The following TAF1A variants were observed in gnomAD, a reference collection of about 807,000 sequenced individuals.
TAF1A encodes the protein TATA box-binding protein-associated factor RNA polymerase I subunit A.
In TAF1A, 42 loss-of-function variants were observed where a neutral mutation model predicts 61.6. The ratio of observed to expected loss-of-function variants is 0.68; its 90% CI spans 0.53 to 0.88. TAF1A has a LOEUF of 0.88. TAF1A is among the 40% of genes least tolerant of loss of function. The pLI, the probability that TAF1A is intolerant of heterozygous loss-of-function variation, is 0.00. For synonymous variants in TAF1A, 179 were observed against 177.7 expected (o/e 1.01, Z -0.06); for missense variants, 424 against 518.7 (o/e 0.82, Z 1.77).
chr1:222,569,824 A>C (rs1415510652), intron 6 of TAF1A, among the ~76,000 whole-genome samples, 156 bp from the exon 7 acceptor site: 4 of 152,194 alleles, frequency 2.6e-5, no homozygotes, highest in African/African-American at 9.6e-5. Flanking sequence ...ACTAATAAAC[A>C]ATGCAGCAAC....
At chr1:222,569,736 G>A (rs1226795667) in intron 6 of TAF1A, 68 bp from the exon 7 acceptor site, 8 of 1,399,452 alleles carry the variant, frequency 5.7e-6, no homozygotes, top group Non-Finnish European at 7.7e-6. Flanking sequence ...ATAATACACA[G>A]CATAAGTTTA....
At chr1:222,574,651 A>G (rs1447112250) in intron 5 of TAF1A, among the ~76,000 whole-genome samples, 2 of 152,240 alleles carry the variant, frequency 1.3e-5, no homozygotes, top group Non-Finnish European at 2.9e-5. Flanking sequence ...ACCATAAAAA[A>G]TGAATAAATT....
intron 5 of TAF1A, among the ~76,000 whole-genome samples, chr1:222,576,172 G>T (rs1382796293): frequency 2.0e-5 from 3 of 152,148 alleles, no homozygotes; most frequent in Non-Finnish European, 4.4e-5. Flanking sequence ...TAAGTTTAAG[G>T]TGTAAGAATG....
chr1:222,588,551 T>G lies in TAF1A; in HGVS notation c.13A>C (p.Ser5Arg). The change falls in exon 2 of 11, where the codon AGT becomes CGT. Residue 5 changes from serine (S) to arginine (R), a missense_variant. Ser to Arg is a moderately radical substitution (Grantham distance 110). Coordinates refer to ENST00000352967, the MANE Select transcript of TAF1A (RefSeq NM_005681.4). Reference sequence around the variant, plus strand: ...GTCACAGGCCCTTTTAATTCTTCACTGAAATCACTCATACCTATTACAAGA... The same window carrying G: ...GTCACAGGCCCTTTTAATTCTTCACGGAAATCACTCATACCTATTACAAGA... MSDFSEELKGPVTDD... is the reference protein window; with the variant it reads MSDFREELKGPVTDD... 6.2e-7 allele frequency: 1 copy of G among 1,614,000 alleles called. No individual in the cohort carries two copies. Among genetic ancestry groups the G allele is most frequent in the Non-Finnish European group, 8.5e-7 (1 of 1,179,944 alleles).
intron 5 of TAF1A, among the ~76,000 whole-genome samples, chr1:222,575,333 C>T (rs1660524461): frequency 6.6e-6 from 1 of 151,978 alleles, no homozygotes; most frequent in Non-Finnish European, 1.5e-5. Flanking sequence ...CCAGCCTAAG[C>T]AACACAGTAA....
At chr1:222,558,831 C>A in intron 10 of TAF1A, 59 bp from the exon 11 acceptor site, 2 of 809,086 alleles carry the variant, frequency 2.5e-6, no homozygotes, top group South Asian at 5.7e-5. Context: ...AAGTATATTT[C>A]TACATTTTAA....
At chr1:222,575,861 G>A (rs1327567510) in intron 5 of TAF1A, among the ~76,000 whole-genome samples, 2 of 152,184 alleles carry the variant, frequency 1.3e-5, no homozygotes, top group African/African-American at 4.8e-5. Context: ...TTACAAATGC[G>A]ATGTTCCAAC....
chr1:222,585,820 T>A (rs934242705), intron 2 of TAF1A, among the ~76,000 whole-genome samples: 3 of 152,090 alleles, frequency 2.0e-5, no homozygotes, highest in African/African-American at 2.4e-5. Flanking sequence ...TAATTTTTTT[T>A]AAAATGAATA....
intron 5 of TAF1A, among the ~76,000 whole-genome samples, chr1:222,571,700 T>C (rs1660358338): frequency 2.0e-5 from 3 of 152,070 alleles, no homozygotes; most frequent in Admixed American, 6.5e-5. Flanking sequence ...TGAAAAGTGA[T>C]ACTGTTGAAA....
In TAF1A at chr1:222,558,504, T is replaced by A; in HGVS notation, c.*156A>T. The A allele has an allele frequency of 6.5e-6, 2 of 307,348 alleles. No homozygotes were observed. The highest frequency in any genetic ancestry group is 1.2e-5 in the Non-Finnish European group (2 of 170,278). 19.0% of individuals were successfully genotyped at this position (307,348 alleles called of 1,614,324 possible). A position where few individuals can be genotyped will look rare whatever the true frequency, so the allele number is the denominator to read the frequency against. ...AAAGAGCAAAGGCAGTAATATTGTT[T>A]CTCTAGCTATAAATAATACAAAAAT... On this transcript the variant is annotated 3_prime_UTR_variant, in exon 11 of 11. Transcript: ENST00000352967.
At chr1:222,585,437 AG>A (rs1354629668) in intron 2 of TAF1A, among the ~76,000 whole-genome samples, 6 of 151,390 alleles carry the variant, frequency 4.0e-5, no homozygotes, top group Admixed American at 2.6e-4. Context: ...ATTGGGGAAA[AG>A]TTTTAGATAA....
rs754640747 is a variant in TAF1A at position 222,579,900 on chromosome 1, T to C, written c.292-28A>G. 4 of 1,583,970 alleles carry C rather than the reference T, an allele frequency of 2.5e-6. No homozygotes were observed. In the Admixed American group the frequency reaches 7.9e-5, roughly 31 times the overall value. On this transcript the variant is annotated intron_variant, in intron 3 of 10. Coordinates refer to ENST00000352967, the MANE Select transcript of TAF1A (RefSeq NM_005681.4). Reference sequence around the variant, plus strand: ...GTCAAAGCAGAAATTACTGCCAAAATGTAAAATTTTTGCCTTAACCAATTT... The same window carrying C: ...GTCAAAGCAGAAATTACTGCCAAAACGTAAAATTTTTGCCTTAACCAATTT...
intron 4 of TAF1A, among the ~76,000 whole-genome samples, chr1:222,579,350 T>G (rs1476717865): frequency 6.6e-6 from 1 of 152,154 alleles, no homozygotes; most frequent in Non-Finnish European, 1.5e-5. Context: ...AACTTGGAGG[T>G]GAAGATTCCA....
intron 5 of TAF1A, among the ~76,000 whole-genome samples, chr1:222,576,221 GA>G (rs558847739): frequency 1.1e-4 from 16 of 152,142 alleles, no homozygotes; most frequent in Non-Finnish European, 2.1e-4. Context: ...TTGAAGAATA[GA>G]GAGCATTCTA....
At chr1:222,587,663 A>C (rs1489697195) in intron 2 of TAF1A, among the ~76,000 whole-genome samples, 1 of 152,200 alleles carries the variant, frequency 6.6e-6, no homozygotes, top group Admixed American at 6.5e-5. Flanking sequence ...CCCATAGAAA[A>C]ACATACTTGC....
At chr1:222,563,913 A>G in intron 8 of TAF1A, 146 bp downstream of exon 8, 1 of 595,004 alleles carries the variant, frequency 1.7e-6, no homozygotes. Context: ...AAGCAGCCGC[A>G]GACAATACAG....
At chr1:222,578,573 C>G (rs1040938318) in intron 4 of TAF1A, among the ~76,000 whole-genome samples, 17 of 152,214 alleles carry the variant, frequency 1.1e-4, no homozygotes, top group African/African-American at 4.1e-4. Context: ...CAGGGCTGCC[C>G]TTTCCCCTAA....
chr1:222,588,685 AT>A, intron 1 of TAF1A, 120 bp from the exon 2 acceptor site: 4 of 1,039,924 alleles, frequency 3.8e-6, no homozygotes, highest in Non-Finnish European at 5.4e-6. Context: ...AAAATGCATT[AT>A]ACCTGTCAGC....
At chr1:222,575,797 T>A (rs569411521) in intron 5 of TAF1A, among the ~76,000 whole-genome samples, 3 of 152,326 alleles carry the variant, frequency 2.0e-5, no homozygotes, top group African/African-American at 4.8e-5. Flanking sequence ...CTATTGTTGC[T>A]ACAGAACTGT....
Sources: gnomAD v4.1 joint callset for allele counts (sites outside exome capture counted in the v4.1 genomes callset) on GRCh38, gnomAD v4.1.1 for gene constraint, MANE v1.5 for transcripts, NCBI Gene and HGNC (gene_info 2026-07-23, HGNC 2026-07-21) for gene names.